The following XPC variants were observed in gnomAD, a reference collection of about 807,000 sequenced individuals.
XPC encodes the protein XPC complex subunit, DNA damage recognition and repair factor.
Under a neutral mutation model 95.8 loss-of-function variants are expected in XPC, and 76 were observed. The ratio of observed to expected loss-of-function variants is 0.79; its 90% CI spans 0.66 to 0.96. The LOEUF is 0.96. Ranked by LOEUF, XPC falls within the 40% of genes least tolerant of loss-of-function variation. XPC has a pLI of 0.00. For synonymous variants in XPC, 442 were observed against 442.1 expected (o/e 1.00, Z 0.00); for missense variants, 1,146 against 1,179.8 (o/e 0.97, Z 0.42).
rs575311216 is a variant in XPC at position 14,150,824 on chromosome 3, C to T, written c.2115+1511G>A. ...TTGCCCAAGAGAACAGGGCTGGACC[C>T]CACAGGGCACAGAGGTGGGAGAACA... On this transcript the variant is annotated intron_variant, in intron 11 of 15. Transcript: ENST00000285021. 9.2e-5 allele frequency among the ~76,000 whole-genome samples: 14 copies of T among 152,280 alleles called. No individual in the cohort carries two copies. In the South Asian group the frequency reaches 2.7e-3, roughly 29 times the overall value.
At chr3:14,146,661 C>T (rs1325575295) in intron 15 of XPC, among the ~76,000 whole-genome samples, 2 of 152,134 alleles carry the variant, frequency 1.3e-5, no homozygotes, top group African/African-American at 2.4e-5. Flanking sequence ...TTTTCTCCAC[C>T]AGAGGGACTG....
At position 14,148,660 on chromosome 3, in the gene XPC, C is replaced by G; in HGVS notation, c.2322G>C (p.Leu774=). Residue 774 remains leucine (L), a synonymous_variant, in exon 13 of 16, where the codon CTG becomes CTC. Transcript: ENST00000285021. ...PSMMPIGCVQ[L]NLPNLHRVAR... is the part of the protein sequence containing the mutation. ...CCACGCGGTGTAGATTGGGCAGGTT[C>G]AGCTGGACACAGCCAATAGGCATCA... The G allele has an allele frequency of 6.2e-7, 1 of 1,613,358 alleles. No individual in the cohort carries two copies. The highest frequency in any genetic ancestry group is 8.5e-7 in the Non-Finnish European group (1 of 1,179,678).
At chr3:14,175,847 G>A (rs1173087566) in intron 1 of XPC, among the ~76,000 whole-genome samples, 1 of 152,188 alleles carries the variant, frequency 6.6e-6, no homozygotes, top group Non-Finnish European at 1.5e-5. Flanking sequence ...CTAAGTCTAT[G>A]CTTCCCCACA....
At chr3:14,161,957 G>T (rs1461273954) in intron 7 of XPC, among the ~76,000 whole-genome samples, 1 of 152,058 alleles carries the variant, frequency 6.6e-6, no homozygotes. Flanking sequence ...CAGCAAAGCT[G>T]CAGGGTACAA....
chr3:14,164,569 T>C (rs56359450), intron 7 of XPC: 23 of 404,358 alleles, frequency 5.7e-5, no homozygotes, highest in African/African-American at 4.0e-4. Context: ...CTAGAGGCGA[T>C]AGGGAGGAAA....
intron 9 of XPC, among the ~76,000 whole-genome samples, chr3:14,157,593 G>A (rs1695969826): frequency 6.6e-6 from 1 of 152,110 alleles, no homozygotes; most frequent in Admixed American, 6.5e-5. Flanking sequence ...TTTCCCAGGA[G>A]GTGAGTGTTC....
intron 7 of XPC, among the ~76,000 whole-genome samples, chr3:14,162,509 G>T (rs1696204335): frequency 6.6e-6 from 1 of 152,186 alleles, no homozygotes; most frequent in African/African-American, 2.4e-5. Context: ...TGAAAAGGAT[G>T]CCATGACCAT....
chr3:14,160,903 C>T (rs752768078), intron 7 of XPC, among the ~76,000 whole-genome samples: 7 of 152,138 alleles, frequency 4.6e-5, no homozygotes, highest in Non-Finnish European at 8.8e-5. Context: ...ATCCCTGCCT[C>T]GGCTTCCTCA....
chr3:14,177,347 G>C (rs779877929), intron 1 of XPC, among the ~76,000 whole-genome samples: 1 of 152,160 alleles, frequency 6.6e-6, no homozygotes. Context: ...AGGTACTTGA[G>C]CATCACAGGT....
At chr3:14,152,666 C>T (rs1695741719) in intron 10 of XPC, 1 of 440,426 alleles carries the variant, frequency 2.3e-6, no homozygotes. Context: ...TCCACCACTC[C>T]TCCCCTTCAT....
intron 11 of XPC, chr3:14,151,699 G>C (rs773685102): frequency 1.3e-5 from 2 of 152,288 alleles, no homozygotes; most frequent in Non-Finnish European, 2.9e-5. Flanking sequence ...CCTGTGAATA[G>C]TCTCTGTGGG....
At chr3:14,152,450 A>G (rs1695732312) in intron 10 of XPC, 34 bp from the exon 11 acceptor site, 4 of 1,584,102 alleles carry the variant, frequency 2.5e-6, no homozygotes, top group Non-Finnish European at 3.4e-6. Flanking sequence ...AAGGTAACTC[A>G]GTCCACAGCC....
Position 14,145,209 on chromosome 3 carries a change from G to A in XPC, c.*732C>T. ...AAAAGTCATTTCTCCTTAGTACAGA[G>A]AGCTTTATACATTTTATCTAGTAAT... On this transcript the variant is annotated 3_prime_UTR_variant, in exon 16 of 16. Coordinates refer to ENST00000285021, the MANE Select transcript of XPC (RefSeq NM_004628.5). 1 of 597,626 alleles carries A rather than the reference G, an allele frequency of 1.7e-6. No individual in the cohort carries two copies. Among genetic ancestry groups the A allele is most frequent in the Non-Finnish European group, 3.0e-6 (1 of 334,586 alleles). 37.0% of individuals were successfully genotyped at this position (597,626 alleles called of 1,614,324 possible). A position where few individuals can be genotyped will look rare whatever the true frequency, so the allele number is the denominator to read the frequency against.
chr3:14,157,219 C>A (rs113974460), intron 9 of XPC, among the ~76,000 whole-genome samples: 6 of 152,192 alleles, frequency 3.9e-5, no homozygotes, highest in African/African-American at 1.4e-4. Context: ...AGTAATGCAC[C>A]CATTTTACTT....
chr3:14,156,612 T>A lies in XPC; in HGVS notation c.1873-117A>T, dbSNP rs1015485748. On this transcript the variant is annotated intron_variant, in intron 9 of 15. Transcript: ENST00000285021. ...AACAGATGGTGGAGCCAAGGTTTCA[T>A]GAACACTAATGGTTTTGTAACATCG... is the stretch of plus-strand genomic sequence containing the variant. 4.3e-5 allele frequency: 59 copies of A among 1,385,096 alleles called. No homozygotes were observed. The African/African-American group carries it at 6.9e-4, about 16-fold the overall frequency. The allele number at this position is 1,385,096 out of a possible 1,614,324, so 85.8% of individuals were successfully genotyped here. A position where few individuals can be genotyped will look rare whatever the true frequency, so the allele number is the denominator to read the frequency against.
chr3:14,159,889 T>G (rs1439386648), intron 7 of XPC, 59 bp from the exon 8 acceptor site: 2 of 1,484,420 alleles, frequency 1.3e-6, no homozygotes, highest in African/African-American at 2.8e-5. Context: ...TGTAATGAGT[T>G]CAATGTTGTT....
chr3:14,167,015 C>T (rs774239922), intron 5 of XPC, among the ~76,000 whole-genome samples, 154 bp downstream of exon 5: 2 of 152,200 alleles, frequency 1.3e-5, no homozygotes, highest in African/African-American at 4.8e-5. Flanking sequence ...GACACTATTA[C>T]TACCCCCACC....
In XPC at chr3:14,145,374, G is replaced by A. The variant is rs767655916; in HGVS notation, c.*567C>T. ...ATGTTACTTGGAAAACTAGATCCCAGCAGATGACCTGTACTTCTCTGCTCT... is the reference window on the plus strand; with the variant it reads ...ATGTTACTTGGAAAACTAGATCCCAACAGATGACCTGTACTTCTCTGCTCT... On this transcript the variant is annotated 3_prime_UTR_variant, in exon 16 of 16. Transcript: ENST00000285021. 49 of 699,808 alleles carry A rather than the reference G, an allele frequency of 7.0e-5. No homozygotes were observed. The highest frequency in any genetic ancestry group is 1.0e-4 in the Non-Finnish European group (39 of 384,692). The allele number at this position is 699,808 out of a possible 1,614,324, so 43.3% of individuals were successfully genotyped here. A position where few individuals can be genotyped will look rare whatever the true frequency, so the allele number is the denominator to read the frequency against.
chr3:14,171,661 C>G (rs551811174), intron 2 of XPC, among the ~76,000 whole-genome samples: 1 of 152,160 alleles, frequency 6.6e-6, no homozygotes, highest in Admixed American at 6.5e-5. Context: ...CATGGTGGAA[C>G]CCTGTTTCTA....
Sources: allele counts gnomAD v4.1 joint callset (sites outside exome capture counted in the v4.1 genomes callset), GRCh38; gene constraint gnomAD v4.1.1; transcripts MANE v1.5; gene names NCBI Gene and HGNC (gene_info 2026-07-23, HGNC 2026-07-21).